Variants in ROR2 observed in about 807,000 individuals in gnomAD.
ROR2 encodes ROR family WNT receptor 2, also known as tyrosine-protein kinase transmembrane receptor ROR2.
In ROR2, 33 loss-of-function variants were observed where a neutral mutation model predicts 74.9. The ratio of observed to expected loss-of-function variants is 0.44; its 90% CI spans 0.33 to 0.59. ROR2 has a LOEUF of 0.59. Among genes scored for constraint, ROR2 ranks in the 20% least tolerant of loss-of-function variants. ROR2 has a pLI of 0.02. For missense variants in ROR2, 1,216 were observed against 1,313.8 expected (o/e 0.93, Z 1.15); for synonymous variants, 586 against 558.7 (o/e 1.05, Z -0.69).
In ROR2 at chr9:91,723,987, T is replaced by C. The variant is rs772269687; in HGVS notation, c.2507A>G (p.Asn836Ser). 7 of 1,612,860 alleles carry C rather than the reference T, an allele frequency of 4.3e-6. No individual in the cohort carries two copies. Among genetic ancestry groups the C allele is most frequent in the Non-Finnish European group, 1.7e-6 (2 of 1,180,030 alleles). The change falls in exon 9 of 9, where the codon AAC (asparagine) becomes AGC (serine). Residue 836 changes from asparagine (N) to serine (S), a missense_variant. Transcript: ENST00000375708. ...PVPAYGAYLP[N>S]FYPVQIPMQM... The stretch of plus-strand genomic sequence containing the variant: ...CATTGGGATCTGCACCGGGTAGAAG[T>C]TGGGCAGGTAGGCCCCATAGGCCGG...
chr9:91,839,277 T>TGTGTGTGTAAGTACAGGC (rs1554681713), intron 1 of ROR2, among the ~76,000 whole-genome samples: 9 of 145,166 alleles, frequency 6.2e-5, no homozygotes, highest in African/African-American at 2.5e-4. Context: ...TGTGTGTGTG[T>TGTGTGTGTAAGTACAGGC]GTGTGTGTGT....
At chr9:91,737,851 A>G (rs925269387) in intron 4 of ROR2, among the ~76,000 whole-genome samples, 13 of 152,232 alleles carry the variant, frequency 8.5e-5, no homozygotes, top group African/African-American at 3.1e-4. Flanking sequence ...ACTTACATGC[A>G]TATTACTAGG....
At chr9:91,940,594 C>CTTTTTTTT (rs570738211) in intron 1 of ROR2, among the ~76,000 whole-genome samples, 1 of 142,668 alleles carries the variant, frequency 7.0e-6, no homozygotes. Flanking sequence ...ACGTGCAATT[C>CTTTTTTTT]TTTTTTTTTT....
rs770772928 is a variant in ROR2, at chr9:91,724,760, A to T, written c.1734T>A (p.Asp578Glu). ...RSPHSDVGST[D>E]DDRTVKSALE... is the part of the protein sequence containing the mutation. The stretch of plus-strand genomic sequence containing the variant: ...GGGCGGACTTCACCGTGCGGTCATC[A>T]TCGGTGCTGCCCACGTCCGAGTGCG... Residue 578 changes from aspartate to glutamate, a missense_variant, in exon 9 of 9, where the codon GAT becomes GAA. Transcript: ENST00000375708. 1 of 1,613,944 alleles carries T rather than the reference A, an allele frequency of 6.2e-7. No individual in the cohort carries two copies. The highest frequency in any genetic ancestry group is 2.2e-5 in the East Asian group (1 of 44,874).
chr9:91,809,295 C>T (rs1178345859), intron 1 of ROR2, among the ~76,000 whole-genome samples: 3 of 152,176 alleles, frequency 2.0e-5, no homozygotes, highest in Non-Finnish European at 4.4e-5. Context: ...TGAAGTCTAA[C>T]ATTTTGCTCC....
intron 1 of ROR2, among the ~76,000 whole-genome samples, chr9:91,829,122 C>T (rs1456346515): frequency 6.6e-6 from 1 of 152,228 alleles, no homozygotes; most frequent in African/African-American, 2.4e-5. Context: ...GACATCATGG[C>T]ACTGTCCCAC....
chr9:91,727,523 A>T (rs112684191), intron 7 of ROR2, among the ~76,000 whole-genome samples: 1 of 152,116 alleles, frequency 6.6e-6, no homozygotes, highest in African/African-American at 2.4e-5. Context: ...GCAGGACTCC[A>T]GGCAGGGCTG....
intron 1 of ROR2, among the ~76,000 whole-genome samples, chr9:91,930,068 T>C (rs7036134): frequency 0.014 from 2,065 of 152,040 alleles, 29 homozygotes; most frequent in Middle Eastern, 0.027. Context: ...CCCCAGACAA[T>C]TGAAATCATA....
chr9:91,860,164 C>G (rs1450553512), intron 1 of ROR2, among the ~76,000 whole-genome samples: 1 of 152,168 alleles, frequency 6.6e-6, no homozygotes, highest in Non-Finnish European at 1.5e-5. Flanking sequence ...CCAGGTTAGA[C>G]CTTCGCCATC....
At chr9:91,945,235 T>C (rs1831984582) in intron 1 of ROR2, among the ~76,000 whole-genome samples, 1 of 152,234 alleles carries the variant, frequency 6.6e-6, no homozygotes, top group Non-Finnish European at 1.5e-5. Flanking sequence ...TAATTTCTTT[T>C]AATTTTAATT....
chr9:91,773,662 A>G (rs944444013), intron 2 of ROR2, among the ~76,000 whole-genome samples: 16 of 152,186 alleles, frequency 1.1e-4, no homozygotes, highest in African/African-American at 3.6e-4. Flanking sequence ...ATTGAGATTC[A>G]TGGGTTCAAC....
chr9:91,848,832 C>G (rs1829010992), intron 1 of ROR2, among the ~76,000 whole-genome samples: 1 of 151,154 alleles, frequency 6.6e-6, no homozygotes, highest in Non-Finnish European at 1.5e-5. Context: ...TAGACTCATG[C>G]TGGCTGAGAG....
intron 1 of ROR2, among the ~76,000 whole-genome samples, chr9:91,900,867 C>T (rs1830661141): frequency 6.6e-6 from 1 of 152,184 alleles, no homozygotes; most frequent in African/African-American, 2.4e-5. Flanking sequence ...GAAGGAAATC[C>T]ATTATTAATT....
chr9:91,819,804 T>C (rs1587750793), intron 1 of ROR2, among the ~76,000 whole-genome samples: 1 of 152,272 alleles, frequency 6.6e-6, no homozygotes. Flanking sequence ...TTGTTCTGTG[T>C]GTGCCTGTGT....
intron 1 of ROR2, among the ~76,000 whole-genome samples, chr9:91,870,279 C>A (rs1286211427): frequency 6.6e-6 from 1 of 152,072 alleles, no homozygotes; most frequent in Non-Finnish European, 1.5e-5. Context: ...TTGACTGATC[C>A]CAACTGTCCA....
chr9:91,867,516 C>T (rs528607912), intron 1 of ROR2, among the ~76,000 whole-genome samples: 2 of 152,190 alleles, frequency 1.3e-5, no homozygotes, highest in South Asian at 4.2e-4. Context: ...AACAAGGGAA[C>T]TAAAACCCAA....
At chr9:91,797,654 C>A (rs1360473301) in intron 1 of ROR2, among the ~76,000 whole-genome samples, 2 of 5,838 alleles carry the variant, frequency 3.4e-4, no homozygotes, top group Non-Finnish European at 2.9e-4. Flanking sequence ...ACACCCTGGG[C>A]TCTGTGGGTG....
In ROR2 at chr9:91,786,354, G is replaced by GTAAA. The variant is rs35820427; in HGVS notation, c.98-10540_98-10537dup. Among the ~76,000 whole-genome samples the GTAAA allele has an allele frequency of 5.0e-3, 740 of 148,690 alleles. 7 individuals are homozygous for GTAAA. Among genetic ancestry groups the GTAAA allele is most frequent in the African/African-American group, 0.012 (492 of 40,230 alleles). On this transcript the variant is annotated intron_variant, in intron 1 of 8. Transcript: ENST00000375708. ...AATCAATCAATCAATCAATCAATAAGTAAATAAATAAATAAATAAATAAAT... is the reference window on the plus strand; with the variant it reads ...AATCAATCAATCAATCAATCAATAAGTAAATAAATAAATAAATAAATAAATAAAT...
At chr9:91,816,353 C>T (rs1827932972) in intron 1 of ROR2, among the ~76,000 whole-genome samples, 1 of 152,194 alleles carries the variant, frequency 6.6e-6, no homozygotes, top group African/African-American at 2.4e-5. Flanking sequence ...CTCAACTAAG[C>T]TCCAAATCTT....
Sources: gnomAD v4.1 joint callset for allele counts (sites outside exome capture counted in the v4.1 genomes callset) on GRCh38, gnomAD v4.1.1 for gene constraint, MANE v1.5 for transcripts, NCBI Gene and HGNC (gene_info 2026-07-23, HGNC 2026-07-21) for gene names.